Variants in PPP4R1 observed in about 807,000 individuals in gnomAD.
PPP4R1 encodes serine/threonine-protein phosphatase 4 regulatory subunit 1.
Under a neutral mutation model 111.2 loss-of-function variants are expected in PPP4R1, and 42 were observed. That is an observed-to-expected ratio of 0.38 (90% CI 0.29 to 0.49). The LOEUF (loss-of-function observed/expected upper bound fraction) is 0.49. PPP4R1 is among the 20% of genes least tolerant of loss of function. PPP4R1 has a pLI of 0.97. For synonymous variants in PPP4R1, 409 were observed against 405.5 expected (o/e 1.01, Z -0.10); for missense variants, 1,012 against 1,161.6 (o/e 0.87, Z 1.87).
At chr18:9,584,655 T>G (rs1380730018) in intron 7 of PPP4R1, 66 bp downstream of exon 7, 2 of 1,601,806 alleles carry the variant, frequency 1.2e-6, no homozygotes, top group African/African-American at 1.3e-5. Context: ...TTAAATATCA[T>G]GTATCAGTAC....
intron 11 of PPP4R1, among the ~76,000 whole-genome samples, chr18:9,568,657 T>C (rs975364547): frequency 3.3e-5 from 5 of 152,234 alleles, no homozygotes; most frequent in Admixed American, 3.3e-4. Flanking sequence ...GTCAGAGAAC[T>C]AGCAGGTACT....
At chr18:9,561,759 T>A (rs1183023188) in intron 13 of PPP4R1, among the ~76,000 whole-genome samples, 1 of 152,150 alleles carries the variant, frequency 6.6e-6, no homozygotes, top group Non-Finnish European at 1.5e-5. Flanking sequence ...TGTGTGATCG[T>A]GGTCACTCTG....
intron 8 of PPP4R1, 22 bp downstream of exon 8, chr18:9,584,493 C>A: frequency 1.2e-6 from 2 of 1,603,138 alleles, no homozygotes; most frequent in South Asian, 1.1e-5. Context: ...ACTGTTTACT[C>A]CTTTATATCT....
chr18:9,559,566 A>G lies in PPP4R1; in HGVS notation c.1881T>C (p.Ser627=). Residue 627 remains serine (S), a synonymous_variant, in exon 14 of 20, where the codon TCT becomes TCC. Transcript: ENST00000400556. Reference sequence around the variant, plus strand: ...TCTGTGCACGAGAAGGGTCAGTCATAGATAAATACTGATCTAACAACGCCT... The same window carrying G: ...TCTGTGCACGAGAAGGGTCAGTCATGGATAAATACTGATCTAACAACGCCT... ...VPQALLDQYL[S]MTDPSRAQTV... is the part of the protein sequence containing the mutation. 1 of 1,611,588 alleles carries G rather than the reference A, an allele frequency of 6.2e-7. No homozygotes were observed. The highest frequency in any genetic ancestry group is 8.5e-7 in the Non-Finnish European group (1 of 1,178,572).
intron 9 of PPP4R1, among the ~76,000 whole-genome samples, chr18:9,580,812 G>A (rs2067016889): frequency 6.6e-6 from 1 of 152,206 alleles, no homozygotes; most frequent in Non-Finnish European, 1.5e-5. Context: ...CAGCTGAGGG[G>A]TGAGGCTCCT....
At chr18:9,555,952 C>A (rs181336003) in intron 15 of PPP4R1, among the ~76,000 whole-genome samples, 9 of 150,018 alleles carry the variant, frequency 6.0e-5, no homozygotes, top group Admixed American at 2.7e-4. Context: ...CTGGCCAACA[C>A]GGTGAAACCC....
intron 12 of PPP4R1, 101 bp from the exon 13 acceptor site, chr18:9,562,176 T>C: frequency 2.5e-6 from 2 of 799,568 alleles, no homozygotes; most frequent in Non-Finnish European, 4.0e-6. Context: ...CCAAAAGTAA[T>C]AAACATATAA....
chr18:9,574,665 A>C (rs1435952275), intron 10 of PPP4R1, among the ~76,000 whole-genome samples: 2 of 152,190 alleles, frequency 1.3e-5, no homozygotes, highest in Non-Finnish European at 2.9e-5. Flanking sequence ...GCCACACTGC[A>C]TGGCCGGGAG....
At position 9,547,660 on chromosome 18, in the gene PPP4R1, C is replaced by T; in HGVS notation, c.*129G>A. On this transcript the variant is annotated 3_prime_UTR_variant, in exon 20 of 20. Transcript: ENST00000400556. ...TGGTATTGGGTGTAGGCAACTTGCA[C>T]CTGCAATGAAGTCCGCAGGAGAGGA... 4 of 1,146,600 alleles carry T rather than the reference C, an allele frequency of 3.5e-6. No individual in the cohort carries two copies. The highest frequency in any genetic ancestry group is 2.5e-6 in the Non-Finnish European group (2 of 801,918). The allele number at this position is 1,146,600 out of a possible 1,614,324, so 71.0% of individuals were successfully genotyped here.
chr18:9,581,058 A>C (rs147685017), intron 9 of PPP4R1, among the ~76,000 whole-genome samples: 4 of 152,346 alleles, frequency 2.6e-5, no homozygotes, highest in Non-Finnish European at 5.9e-5. Flanking sequence ...GCCAGTCACT[A>C]AACAAGCAAA....
At chr18:9,582,799 C>T (rs1355432207) in intron 9 of PPP4R1, among the ~76,000 whole-genome samples, 1 of 152,134 alleles carries the variant, frequency 6.6e-6, no homozygotes, top group African/African-American at 2.4e-5. Flanking sequence ...AATCCAGCGA[C>T]ATATAAAAAG....
rs1159772427 is a variant in PPP4R1, at chr18:9,570,511, G to C, written c.1219C>G (p.Leu407Val). 1.2e-6 allele frequency: 2 copies of C among 1,614,184 alleles called. No homozygotes were observed. Among genetic ancestry groups the C allele is most frequent in the African/African-American group, 2.7e-5 (2 of 75,032 alleles). The change falls in exon 11 of 20, where the codon CTT becomes GTT. Residue 407 changes from leucine to valine, a missense_variant. Physicochemically the swap from Leu to Val is conservative, Grantham distance 32. This residue lies in a region of PPP4R1 where 707 missense variants were observed against 742.1 expected (regional missense o/e 0.95). Coordinates refer to ENST00000400556, the MANE Select transcript of PPP4R1 (RefSeq NM_001042388.3). ...EISVPLDSSL[L>V]CTLSSESHQE... ...TGAGATTCTGAGGACAAAGTACAAA[G>C]TAAAGAGCTGTCCAGTGGAACACTA...
chr18:9,556,299 T>G (rs543370552), intron 15 of PPP4R1, among the ~76,000 whole-genome samples: 1 of 151,462 alleles, frequency 6.6e-6, no homozygotes, highest in East Asian at 2.0e-4. Context: ...CTCAAGCGAT[T>G]CTCCTGCCTC....
intron 12 of PPP4R1, among the ~76,000 whole-genome samples, chr18:9,562,475 T>TTA (rs1372940919): frequency 6.6e-6 from 1 of 152,174 alleles, no homozygotes; most frequent in African/African-American, 2.4e-5. Context: ...ATTTCACAAA[T>TTA]TATATATATG....
At chr18:9,597,995 C>T (rs1178377964) in intron 2 of PPP4R1, among the ~76,000 whole-genome samples, 2 of 151,388 alleles carry the variant, frequency 1.3e-5, no homozygotes, top group African/African-American at 2.4e-5. Context: ...GAAGATGATA[C>T]GAAAGACCTA....
chr18:9,550,211 G>A (rs765253546), intron 17 of PPP4R1, 25 bp from the exon 18 acceptor site: 3 of 1,614,038 alleles, frequency 1.9e-6, no homozygotes, highest in Admixed American at 3.3e-5. Flanking sequence ...ATGGAGAAAT[G>A]AGGAACAGCT....
At chr18:9,601,218 G>T (rs1397928219) in intron 2 of PPP4R1, among the ~76,000 whole-genome samples, 1 of 148,252 alleles carries the variant, frequency 6.7e-6, no homozygotes, top group Non-Finnish European at 1.5e-5. Context: ...TTTTTTTTGG[G>T]GAAAAAAAAA....
intron 2 of PPP4R1, among the ~76,000 whole-genome samples, chr18:9,611,872 G>A (rs890465120): frequency 2.0e-5 from 3 of 152,110 alleles, no homozygotes; most frequent in South Asian, 2.1e-4. Flanking sequence ...TTAGCCAGGC[G>A]TGGTGGCACA....
chr18:9,605,992 A>G (rs2067475859), intron 2 of PPP4R1, among the ~76,000 whole-genome samples: 2 of 152,346 alleles, frequency 1.3e-5, no homozygotes, highest in Admixed American at 1.3e-4. Context: ...TTAACAGCTT[A>G]ATTCAGGTGA....
Sources: gnomAD v4.1 joint callset for allele counts (sites outside exome capture counted in the v4.1 genomes callset) on GRCh38, gnomAD v4.1.1 for gene constraint, gnomAD v4.1.1 regional missense constraint, MANE v1.5 for transcripts, NCBI Gene and HGNC (gene_info 2026-07-23, HGNC 2026-07-21) for gene names.